Variants in ERG observed in about 807,000 individuals in gnomAD.
ERG encodes the protein ETS transcription factor ERG, also known as transcriptional regulator ERG.
In ERG, 9 loss-of-function variants were observed where a neutral mutation model predicts 55.3. The observed-to-expected ratio is 0.16, with a 90% confidence interval of 0.10 to 0.28. ERG has a LOEUF of 0.28. Ranked by LOEUF, ERG falls within the 10% of genes least tolerant of loss-of-function variation. ERG has a pLI of 1.00. For synonymous variants in ERG, 223 were observed against 237.3 expected (o/e 0.94, Z 0.55); for missense variants, 434 against 631.6 (o/e 0.69, Z 3.35).
intron 1 of ERG, among the ~76,000 whole-genome samples, chr21:38,643,385 C>T (rs1404395524): frequency 1.3e-5 from 2 of 152,130 alleles, no homozygotes; most frequent in Non-Finnish European, 2.9e-5. Context: ...CCACGTGCAC[C>T]CCATGACACT....
At chr21:38,371,243 T>C in the ERG span, among the ~76,000 whole-genome samples, 2 of 152,084 alleles carry the variant, frequency 1.3e-5, no homozygotes, top group Non-Finnish European at 2.9e-5. Flanking sequence ...TGAATTTTGA[T>C]TCCAACAATT....
At chr21:38,636,600 G>C (rs1056510475) in intron 1 of ERG, among the ~76,000 whole-genome samples, 1 of 152,186 alleles carries the variant, frequency 6.6e-6, no homozygotes, top group African/African-American at 2.4e-5. Context: ...AACTATAAAA[G>C]CCGGAGGGAA....
At chr21:38,541,745 A>G (rs2836495) in intron 2 of ERG, among the ~76,000 whole-genome samples, 133,488 of 152,230 alleles carry the variant, frequency 0.88, 58,845 homozygotes, top group African/African-American at 0.94. Flanking sequence ...ATGAATGCAC[A>G]TTATTCTTCT....
At position 38,602,000 on chromosome 21, in the gene ERG, A is replaced by G. The variant is rs79435961; in HGVS notation, c.-149-17055T>C. The stretch of plus-strand genomic sequence containing the variant: ...AGATTCAAGCAATCCTTAAAGAAGC[A>G]TATTTCATAAAGAACACTTCTGAGT... On this transcript the variant is annotated intron_variant, in intron 1 of 10. Coordinates refer to the ERG transcript ENST00000398910. Among the ~76,000 whole-genome samples the G allele has an allele frequency of 3.9e-3, 595 of 152,206 alleles. 5 individuals carry two copies. The highest frequency in any genetic ancestry group is 0.014 in the African/African-American group (563 of 41,536).
chr21:38,614,976 T>C lies in ERG; in HGVS notation c.-149-30031A>G, dbSNP rs1472471842. ...ATCAGAGGTGAAGTATCAGAAGTCTTAGGTATTTAATTATTATTAAGGCAA... is the reference window on the plus strand; with the variant it reads ...ATCAGAGGTGAAGTATCAGAAGTCTCAGGTATTTAATTATTATTAAGGCAA... On this transcript the variant is annotated intron_variant, in intron 1 of 10. Coordinates refer to the ERG transcript ENST00000398910. Among the ~76,000 whole-genome samples the C allele has an allele frequency of 2.0e-5, 3 of 152,220 alleles. No individual in the cohort carries two copies. In the East Asian group the frequency reaches 5.8e-4, roughly 29 times the overall value.
At chr21:38,642,385 A>C (rs185297494) in intron 1 of ERG, among the ~76,000 whole-genome samples, 1 of 152,302 alleles carries the variant, frequency 6.6e-6, no homozygotes, top group East Asian at 1.9e-4. Context: ...CCATCTTCTA[A>C]AGTTCAAAAA....
At position 38,460,490 on chromosome 21, in the gene ERG, G is replaced by A. The variant is rs565584081; in HGVS notation, c.19-14869C>T. Among the ~76,000 whole-genome samples, 1 of 152,330 alleles carries A rather than the reference G, an allele frequency of 6.6e-6. No individual in the cohort carries two copies. Among genetic ancestry groups the A allele is most frequent in the Non-Finnish European group, 1.5e-5 (1 of 68,030 alleles). ...AATGCATATATTGCATATGCCATGT[G>A]TACACCAAAAGCCACACCTAATAAA... On this transcript the variant is annotated intron_variant, in intron 1 of 9. Transcript: ENST00000288319. The surrounding 1 kb of genome is among the most constrained non-coding windows in gnomAD (Gnocchi z 5.0).
intron 3 of ERG, among the ~76,000 whole-genome samples, chr21:38,414,665 A>C (rs1335243278): frequency 6.6e-6 from 1 of 152,200 alleles, no homozygotes; most frequent in Non-Finnish European, 1.5e-5. Flanking sequence ...CCCAGATCCC[A>C]CAGTTAGTAC....
At chr21:38,468,899 A>G (rs1160868684) in intron 1 of ERG, among the ~76,000 whole-genome samples, 1 of 148,800 alleles carries the variant, frequency 6.7e-6, no homozygotes, top group African/African-American at 2.5e-5. Context: ...GTAGGAGAAT[A>G]GCGTGAACCC....
intron 1 of ERG, among the ~76,000 whole-genome samples, chr21:38,637,816 CGTGT>C (rs141642791): frequency 0.015 from 2,213 of 149,004 alleles, 50 homozygotes; most frequent in African/African-American, 0.05. Flanking sequence ...TCTTTTTCTG[CGTGT>C]GTGTGTGTGT....
At chr21:38,468,856 G>A (rs1416836348) in intron 1 of ERG, among the ~76,000 whole-genome samples, 1 of 151,656 alleles carries the variant, frequency 6.6e-6, no homozygotes, top group African/African-American at 2.4e-5. Flanking sequence ...GTGGTGGTGG[G>A]CGCCTGTAGT....
intron 1 of ERG, among the ~76,000 whole-genome samples, chr21:38,629,581 T>C (rs1310549971): frequency 6.6e-6 from 1 of 151,972 alleles, no homozygotes; most frequent in Non-Finnish European, 1.5e-5. Context: ...CTCATGAGGA[T>C]GGCCAGTAGA....
chr21:38,451,622 G>A (rs953047884), intron 1 of ERG, among the ~76,000 whole-genome samples: 6 of 152,290 alleles, frequency 3.9e-5, no homozygotes, highest in African/African-American at 9.6e-5. Context: ...CTTCAAGGCA[G>A]CACATATGCA....
chr21:38,476,241 CA>C (rs1236859181), intron 1 of ERG, among the ~76,000 whole-genome samples: 2 of 152,092 alleles, frequency 1.3e-5, no homozygotes, highest in Non-Finnish European at 2.9e-5. Context: ...TCTTCAAAAG[CA>C]AACAAAGCCC....
intron 2 of ERG, among the ~76,000 whole-genome samples, chr21:38,537,738 A>G (rs2059722018): frequency 6.6e-6 from 1 of 152,194 alleles, no homozygotes; most frequent in Admixed American, 6.6e-5. Flanking sequence ...GTAAAATGGG[A>G]AAGTCACTAT....
At chr21:38,538,062 G>C (rs558244805) in intron 2 of ERG, among the ~76,000 whole-genome samples, 1 of 152,300 alleles carries the variant, frequency 6.6e-6, no homozygotes, top group East Asian at 1.9e-4. Context: ...AGAGAAATAA[G>C]CCATCCACAA....
At position 38,618,770 on chromosome 21, in the gene ERG, G is replaced by A. The variant is rs2146939187; in HGVS notation, c.-149-33825C>T. ...GAGCAGAGGTTAGTCACATCCATGT[G>A]GGTTCTAGCTCCCCTCTACCACTCA... On this transcript the variant is annotated intron_variant, in intron 1 of 10. Transcript: ENST00000398910. Among the ~76,000 whole-genome samples, 5 of 152,270 alleles carry A rather than the reference G, an allele frequency of 3.3e-5. 1 individual carries two copies. The highest frequency in any genetic ancestry group is 3.3e-4 in the Admixed American group (5 of 15,296).
At chr21:38,407,975 G>A (rs1387487329) in intron 3 of ERG, among the ~76,000 whole-genome samples, 1 of 150,836 alleles carries the variant, frequency 6.6e-6, no homozygotes, top group Non-Finnish European at 1.5e-5. Flanking sequence ...TTGCTGTCAA[G>A]AGTATAAAAA....
chr21:38,445,633 A>T lies in ERG; in HGVS notation c.19-12T>A, dbSNP rs778849720. On this transcript the variant is annotated splice_polypyrimidine_tract_variant and intron_variant, in intron 1 of 9. Coordinates refer to ENST00000288319, the MANE Select transcript of ERG (RefSeq NM_182918.4). ...ACTGATAAGGCTTCCTGAATGCCCA[A>T]AGAAACACATAATTCAAGACACTCC... 1 of 1,609,594 alleles carries T rather than the reference A, an allele frequency of 6.2e-7. No homozygotes were observed. The highest frequency in any genetic ancestry group is 8.5e-7 in the Non-Finnish European group (1 of 1,175,906).
Sources: allele counts gnomAD v4.1 joint callset (sites outside exome capture counted in the v4.1 genomes callset), GRCh38; gene constraint gnomAD v4.1.1; non-coding constraint Gnocchi (gnomAD v3.1); transcripts MANE v1.5; gene names NCBI Gene and HGNC (gene_info 2026-07-23, HGNC 2026-07-21).